The following FGF12 variants were observed in gnomAD, a reference collection of about 807,000 sequenced individuals.
FGF12 encodes the protein fibroblast growth factor 12B.
Under a neutral mutation model 23.6 loss-of-function variants are expected in FGF12, and 14 were observed. The ratio of observed to expected loss-of-function variants is 0.59; its 90% CI spans 0.39 to 0.93. The LOEUF (loss-of-function observed/expected upper bound fraction) is 0.93, where lower values mean the gene tolerates loss of function less well. Ranked by LOEUF, FGF12 falls within the 40% of genes least tolerant of loss-of-function variation. The pLI, the probability that FGF12 is intolerant of heterozygous loss-of-function variation, is 0.00. For missense variants in FGF12, 175 were observed against 217.8 expected (o/e 0.80, Z 1.24); for synonymous variants, 62 against 77.3 (o/e 0.80, Z 1.04).
chr3:192,398,140 T>C (rs1311647147), intron 2 of FGF12, among the ~76,000 whole-genome samples: 4 of 152,174 alleles, frequency 2.6e-5, no homozygotes, highest in East Asian at 1.9e-4. Context: ...TAAGCCTAAA[T>C]TGGTGTCAAG....
chr3:192,328,576 C>G (rs140861906), intron 4 of FGF12, among the ~76,000 whole-genome samples: 25 of 152,264 alleles, frequency 1.6e-4, no homozygotes, highest in Non-Finnish European at 2.2e-4. Flanking sequence ...TAATCTGTCC[C>G]TCTCTCAAAG....
At chr3:192,158,360 T>TTC (rs1295550991) in intron 5 of FGF12, among the ~76,000 whole-genome samples, 1 of 110,890 alleles carries the variant, frequency 9.0e-6, no homozygotes, top group Non-Finnish European at 1.8e-5. Flanking sequence ...CTTTCTTTCT[T>TTC]TCTTTCTTTC....
At chr3:192,173,429 C>T (rs188685664) in intron 4 of FGF12, among the ~76,000 whole-genome samples, 2 of 140,898 alleles carry the variant, frequency 1.4e-5, no homozygotes, top group African/African-American at 5.0e-5. Context: ...CTTCGAAGGC[C>T]TTGTCTCAAT....
At chr3:192,232,639 T>C (rs181886505) in intron 4 of FGF12, among the ~76,000 whole-genome samples, 67 of 152,218 alleles carry the variant, frequency 4.4e-4, no homozygotes, top group African/African-American at 1.5e-3. Flanking sequence ...GTACACATGA[T>C]TTTGTTACCC....
intron 4 of FGF12, among the ~76,000 whole-genome samples, chr3:192,274,593 A>AAGAGAC (rs1713660825): frequency 6.6e-6 from 1 of 151,348 alleles, no homozygotes; most frequent in African/African-American, 2.4e-5. Flanking sequence ...GAAGAGGGGA[A>AAGAGAC]AGAGAGAGAG....
At chr3:192,672,782 G>A (rs1350113388) in intron 2 of FGF12, among the ~76,000 whole-genome samples, 1 of 150,966 alleles carries the variant, frequency 6.6e-6, no homozygotes, top group African/African-American at 2.4e-5. Context: ...CAAAGATGAA[G>A]TTTGGAACTC....
chr3:192,227,164 T>C (rs984572913), intron 4 of FGF12, among the ~76,000 whole-genome samples: 8 of 152,134 alleles, frequency 5.3e-5, no homozygotes, highest in African/African-American at 1.9e-4. Context: ...CAAACAGACT[T>C]AAACACATAC....
chr3:192,588,969 A>T (rs1413470656), intron 2 of FGF12, among the ~76,000 whole-genome samples: 1 of 151,980 alleles, frequency 6.6e-6, no homozygotes, highest in Non-Finnish European at 1.5e-5. Context: ...GCTGAGACTA[A>T]TAGGGATGTG....
At chr3:192,253,831 T>C (rs1371067978) in intron 4 of FGF12, among the ~76,000 whole-genome samples, 1 of 152,086 alleles carries the variant, frequency 6.6e-6, no homozygotes, top group Non-Finnish European at 1.5e-5. Flanking sequence ...AACATAAGAT[T>C]TGTCATTCAT....
Position 192,360,312 on chromosome 3 carries a change from TTAAA to T in FGF12, c.124+112_124+115del. The T allele has an allele frequency of 1.4e-6, 1 of 692,820 alleles. No individual in the cohort carries two copies. The highest frequency in any genetic ancestry group is 1.8e-5 in the South Asian group (1 of 56,552). 42.9% of individuals were successfully genotyped at this position (692,820 alleles called of 1,614,324 possible). On this transcript the variant is annotated intron_variant, in intron 3 of 5. Coordinates refer to ENST00000445105, the MANE Select transcript of FGF12 (RefSeq NM_004113.6). This position sits in a 1 kb window ranked among gnomAD's most constrained non-coding sequence, Gnocchi z 4.3. ...GGAAAAGACACTAGCTTACTAATAGTTAAATAGTTTGAAAGGCATAGTTTGGTAA... is the reference window on the plus strand; with the variant it reads ...GGAAAAGACACTAGCTTACTAATAGTTAGTTTGAAAGGCATAGTTTGGTAA...
chr3:192,594,758 G>A (rs997578311), intron 2 of FGF12, among the ~76,000 whole-genome samples: 3 of 151,924 alleles, frequency 2.0e-5, no homozygotes, highest in Admixed American at 6.6e-5. Context: ...GATGCCGTAA[G>A]AAGGTTCTCA....
At chr3:192,562,071 A>AT (rs1158104640) in intron 2 of FGF12, among the ~76,000 whole-genome samples, 2 of 152,194 alleles carry the variant, frequency 1.3e-5, no homozygotes, top group Non-Finnish European at 1.5e-5. Flanking sequence ...ATACTCAGCA[A>AT]TTTTAAATAA....
intron 2 of FGF12, among the ~76,000 whole-genome samples, chr3:192,454,050 G>GT (rs1248078458): frequency 2.0e-5 from 3 of 146,514 alleles, no homozygotes; most frequent in Admixed American, 6.8e-5. Flanking sequence ...TTTTTGTTTT[G>GT]TTTTTTGAGA....
At chr3:192,534,166 C>T (rs192583903) in intron 2 of FGF12, 7 of 152,112 alleles carry the variant, frequency 4.6e-5, no homozygotes, top group Non-Finnish European at 1.0e-4. Context: ...TTTTTATGGT[C>T]AAATATTTTC....
At chr3:192,144,704 A>G (rs1359601149) in intron 5 of FGF12, among the ~76,000 whole-genome samples, 2 of 152,220 alleles carry the variant, frequency 1.3e-5, no homozygotes, top group African/African-American at 2.4e-5. Flanking sequence ...TTTTTCATCA[A>G]TAGGGAACGT....
intron 2 of FGF12, among the ~76,000 whole-genome samples, chr3:192,518,562 A>C (rs2108844552): frequency 6.6e-6 from 1 of 152,350 alleles, no homozygotes; most frequent in East Asian, 1.9e-4. Context: ...ATAACATATA[A>C]AGAATCATGC....
intron 4 of FGF12, among the ~76,000 whole-genome samples, chr3:192,198,837 C>T (rs1717213539): frequency 6.6e-6 from 1 of 152,208 alleles, no homozygotes; most frequent in African/African-American, 2.4e-5. Context: ...ATGTTGTTTA[C>T]TCAGCTTCTC....
intron 2 of FGF12, among the ~76,000 whole-genome samples, chr3:192,376,844 C>CTT (rs1719535749): frequency 6.6e-6 from 1 of 152,126 alleles, no homozygotes; most frequent in African/African-American, 2.4e-5. Context: ...CTTTACTCTT[C>CTT]TTTTTGATGG....
At chr3:192,606,184 T>A (rs1714330015) in intron 2 of FGF12, among the ~76,000 whole-genome samples, 1 of 152,186 alleles carries the variant, frequency 6.6e-6, no homozygotes, top group Non-Finnish European at 1.5e-5. Flanking sequence ...TGGAATACTA[T>A]GCAGCCAAAA....
Sources: gnomAD v4.1 joint callset for allele counts (sites outside exome capture counted in the v4.1 genomes callset) on GRCh38, gnomAD v4.1.1 for gene constraint, Gnocchi (gnomAD v3.1) non-coding constraint, MANE v1.5 for transcripts, NCBI Gene and HGNC (gene_info 2026-07-23, HGNC 2026-07-21) for gene names.